UQCC1: variants seen among roughly 807,000 people sequenced by gnomAD.
The protein encoded by UQCC1 is bFGF-repressed Zic-binding protein.
UQCC1 carries 38 observed loss-of-function variants against 48.0 expected under a neutral mutation model. That is an observed-to-expected ratio of 0.79 (90% CI 0.61 to 1.04). The LOEUF (loss-of-function observed/expected upper bound fraction) is 1.04, where lower values mean the gene tolerates loss of function less well. Among genes scored for constraint, UQCC1 ranks in the 50% least tolerant of loss-of-function variants. The probability of loss-of-function intolerance (pLI) is 0.00; values close to 1 mark genes in which losing one functional copy is unlikely to be tolerated. For missense variants in UQCC1, 368 were observed against 381.8 expected (o/e 0.96, Z 0.30); for synonymous variants, 111 against 129.2 (o/e 0.86, Z 0.95).
intron 3 of UQCC1, among the ~76,000 whole-genome samples, chr20:35,382,288 T>C (rs528429352): frequency 6.6e-6 from 1 of 151,714 alleles, no homozygotes; most frequent in African/African-American, 2.4e-5. Context: ...TTAAATTTTC[T>C]GTGGAGGTGG....
At chr20:35,316,385 A>T (rs2061059308) in intron 7 of UQCC1, among the ~76,000 whole-genome samples, 2 of 152,178 alleles carry the variant, frequency 1.3e-5, no homozygotes, top group Non-Finnish European at 2.9e-5. Flanking sequence ...TTCATGATAA[A>T]GCTGAGATCA....
chr20:35,359,930 G>T (rs374010901), intron 6 of UQCC1, among the ~76,000 whole-genome samples: 6 of 152,102 alleles, frequency 3.9e-5, no homozygotes, highest in South Asian at 2.1e-4. Flanking sequence ...TAACCCTTCT[G>T]GGGGGAGCAT....
chr20:35,366,478 C>T (rs2061667518), intron 6 of UQCC1, 79 bp downstream of exon 6: 2 of 1,228,906 alleles, frequency 1.6e-6, no homozygotes, highest in Non-Finnish European at 2.3e-6. Flanking sequence ...TATAATCAGC[C>T]CTCCTGAAGG....
Position 35,374,266 on chromosome 20 carries a change from G to C in UQCC1, c.334-10C>G, listed in dbSNP as rs1362096345. On this transcript the variant is annotated splice_polypyrimidine_tract_variant and intron_variant, in intron 4 of 9. Coordinates refer to ENST00000374385, the MANE Select transcript of UQCC1 (RefSeq NM_018244.5). ...CCGCAATCTTAATCTTCTAGACAAAGAGAATAAAACCAAACTCAAGACATG... is the reference window on the plus strand; with the variant it reads ...CCGCAATCTTAATCTTCTAGACAAACAGAATAAAACCAAACTCAAGACATG... 1.2e-6 allele frequency: 2 copies of C among 1,606,678 alleles called. No individual in the cohort carries two copies. Among genetic ancestry groups the C allele is most frequent in the Non-Finnish European group, 1.7e-6 (2 of 1,177,048 alleles).
At chr20:35,337,540 G>A (rs577497437) in intron 7 of UQCC1, among the ~76,000 whole-genome samples, 1 of 152,214 alleles carries the variant, frequency 6.6e-6, no homozygotes, top group South Asian at 2.1e-4. Context: ...CTGGTCTGGG[G>A]ACCACACTTT....
chr20:35,343,466 ACATGCACTCACACTCATCCATG>A (rs1266752157), intron 7 of UQCC1, among the ~76,000 whole-genome samples: 1 of 152,178 alleles, frequency 6.6e-6, no homozygotes, highest in Non-Finnish European at 1.5e-5. Flanking sequence ...TCAAACACAC[ACATGCACTCACACTCATCCATG>A]CATGCACTCA....
chr20:35,389,485 C>A (rs1268964538), intron 2 of UQCC1, among the ~76,000 whole-genome samples: 1 of 151,932 alleles, frequency 6.6e-6, no homozygotes, highest in Non-Finnish European at 1.5e-5. Context: ...ATCACTTGAA[C>A]CCGGGAGGCG....
chr20:35,332,883 G>A (rs1450277884), intron 7 of UQCC1, among the ~76,000 whole-genome samples: 2 of 152,156 alleles, frequency 1.3e-5, no homozygotes, highest in Non-Finnish European at 2.9e-5. Flanking sequence ...TTCTGTAATC[G>A]TTTCATATCT....
At chr20:35,387,122 A>C (rs2061954130) in intron 2 of UQCC1, among the ~76,000 whole-genome samples, 1 of 149,578 alleles carries the variant, frequency 6.7e-6, no homozygotes, top group African/African-American at 2.5e-5. Context: ...ACCCCCCTCC[A>C]AAAAAAAACA....
intron 7 of UQCC1, among the ~76,000 whole-genome samples, chr20:35,333,049 T>C (rs1198113969): frequency 6.6e-6 from 1 of 151,754 alleles, no homozygotes; most frequent in Non-Finnish European, 1.5e-5. Flanking sequence ...ATATTCTACC[T>C]ATTTCCAAAA....
chr20:35,371,316 T>C (rs1377353274), intron 5 of UQCC1, among the ~76,000 whole-genome samples: 2 of 150,632 alleles, frequency 1.3e-5, no homozygotes, highest in Admixed American at 6.7e-5. Context: ...AGACATTAAA[T>C]AGACATCTGA....
chr20:35,360,803 C>G (rs187562987), intron 6 of UQCC1, among the ~76,000 whole-genome samples: 1 of 152,126 alleles, frequency 6.6e-6, no homozygotes, highest in African/African-American at 2.4e-5. Context: ...CGGGGCCCAT[C>G]ATACAGCTGG....
intron 3 of UQCC1, among the ~76,000 whole-genome samples, chr20:35,382,509 T>G (rs1343349877): frequency 6.8e-6 from 1 of 146,864 alleles, no homozygotes; most frequent in East Asian, 2.0e-4. Flanking sequence ...TTTTTTCTTT[T>G]TTCTTTTTTT....
intron 6 of UQCC1, among the ~76,000 whole-genome samples, chr20:35,352,957 G>T (rs1260087122): frequency 6.6e-6 from 1 of 151,934 alleles, no homozygotes; most frequent in Non-Finnish European, 1.5e-5. Context: ...CTAAGATACA[G>T]GCACGAGCCA....
intron 6 of UQCC1, among the ~76,000 whole-genome samples, chr20:35,357,252 G>A (rs567526142): frequency 2.1e-4 from 32 of 152,296 alleles, no homozygotes; most frequent in African/African-American, 7.2e-4. Context: ...CGGGCGCAGT[G>A]GCTCACGCCT....
At position 35,333,094 on chromosome 20, in the gene UQCC1, CAT is replaced by C. The variant is rs139343974; in HGVS notation, c.573+14068_573+14069del. 2.0e-3 allele frequency among the ~76,000 whole-genome samples: 302 copies of C among 151,936 alleles called. 1 individual carries two copies. The highest frequency in any genetic ancestry group is 6.7e-3 in the African/African-American group (279 of 41,432). On this transcript the variant is annotated intron_variant, in intron 7 of 9. Coordinates refer to ENST00000374385, the MANE Select transcript of UQCC1 (RefSeq NM_018244.5). ...TCAAATTGGATTACAACAAAAGGCACATGTTATGGCCAAAAGAGCCAATTTTT... is the reference window on the plus strand; with the variant it reads ...TCAAATTGGATTACAACAAAAGGCACGTTATGGCCAAAAGAGCCAATTTTT...
chr20:35,304,930 T>TC (rs1472474747), intron 9 of UQCC1, among the ~76,000 whole-genome samples: 1 of 152,068 alleles, frequency 6.6e-6, no homozygotes, highest in Non-Finnish European at 1.5e-5. Context: ...TAAAGCCCAC[T>TC]CCTCCCTTAC....
intron 9 of UQCC1, chr20:35,304,605 A>G (rs2060908434): frequency 5.9e-6 from 1 of 168,934 alleles, no homozygotes; most frequent in Non-Finnish European, 1.3e-5. Flanking sequence ...CAATATGCAT[A>G]TATGCAGTGC....
rs2061820065 is a variant in UQCC1, at chr20:35,377,835, C to G, written c.334-3579G>C. 2.0e-5 allele frequency among the ~76,000 whole-genome samples: 3 copies of G among 152,320 alleles called. No homozygotes were observed. The South Asian group carries it at 6.2e-4, about 32-fold the overall frequency. ...AACAACACGTTTGTGAAAAAGCATT[C>G]ATCACAAACAATGAAGACTTCACCA... On this transcript the variant is annotated intron_variant, in intron 4 of 9. Transcript: ENST00000374385.
Sources: gnomAD v4.1 joint callset for allele counts (sites outside exome capture counted in the v4.1 genomes callset) on GRCh38, gnomAD v4.1.1 for gene constraint, MANE v1.5 for transcripts, NCBI Gene and HGNC (gene_info 2026-07-23, HGNC 2026-07-21) for gene names.